The following TENM4 variants were observed in gnomAD, a reference collection of about 807,000 sequenced individuals.
TENM4 encodes the protein teneurin transmembrane protein 4.
TENM4 carries 82 observed loss-of-function variants against 243.3 expected under a neutral mutation model. That is an observed-to-expected ratio of 0.34 (90% CI 0.28 to 0.40). TENM4 has a LOEUF of 0.40. TENM4 is among the 10% of genes least tolerant of loss of function. TENM4 has a pLI of 1.00. For missense variants in TENM4, 3,138 were observed against 3,673.3 expected (o/e 0.85, Z 3.77); for synonymous variants, 1,412 against 1,456.3 (o/e 0.97, Z 0.69).
At chr11:78,845,160 G>C (rs992539289) in intron 12 of TENM4, among the ~76,000 whole-genome samples, 2 of 152,112 alleles carry the variant, frequency 1.3e-5, no homozygotes, top group African/African-American at 4.8e-5. Flanking sequence ...TTTATGAAAG[G>C]GTTGGTTCTC....
intron 19 of TENM4, among the ~76,000 whole-genome samples, chr11:78,743,053 A>G (rs1416911102): frequency 1.3e-5 from 2 of 152,238 alleles, no homozygotes; most frequent in Non-Finnish European, 2.9e-5. Flanking sequence ...TTAAGAATTT[A>G]TAACTGTTTT....
intron 9 of TENM4, among the ~76,000 whole-genome samples, chr11:78,875,406 G>A (rs1177690899): frequency 2.0e-5 from 3 of 152,094 alleles, no homozygotes; most frequent in African/African-American, 7.2e-5. Flanking sequence ...GTTCCAACAT[G>A]TTGGCCAGGC....
intron 3 of TENM4, among the ~76,000 whole-genome samples, chr11:79,167,291 CAGG>C (rs1279392967): frequency 1.1e-4 from 16 of 152,280 alleles, no homozygotes; most frequent in Admixed American, 7.8e-4. Context: ...GTCTTTGTGA[CAGG>C]AGTTCAACCT....
intron 4 of TENM4, among the ~76,000 whole-genome samples, chr11:79,144,527 C>A (rs1227907984): frequency 6.6e-6 from 1 of 152,020 alleles, no homozygotes; most frequent in Admixed American, 6.6e-5. Context: ...TGGAAGCAGT[C>A]TAAGTGTCCA....
rs370404076 is a variant in TENM4, at chr11:78,805,512, G to A, written c.1979-20C>T. 2.3e-4 allele frequency: 351 copies of A among 1,559,084 alleles called. No homozygotes were observed. The highest frequency in any genetic ancestry group is 3.3e-4 in the Middle Eastern group (2 of 6,024). On this transcript the variant is annotated intron_variant, in intron 14 of 33. Coordinates refer to ENST00000278550, the MANE Select transcript of TENM4 (RefSeq NM_001098816.3). ...AGTCCACTGTGAGATGGAGGAAGGA[G>A]AACATAGGTAAGCATCTGACCAGCA...
At chr11:79,371,170 A>G (rs530453986) in intron 1 of TENM4, among the ~76,000 whole-genome samples, 2 of 152,352 alleles carry the variant, frequency 1.3e-5, no homozygotes, top group South Asian at 2.1e-4. Flanking sequence ...CTATGCAGGG[A>G]TAGAGGATAC....
At chr11:78,790,555 T>A (rs1276009526) in intron 15 of TENM4, among the ~76,000 whole-genome samples, 1 of 152,248 alleles carries the variant, frequency 6.6e-6, no homozygotes, top group Non-Finnish European at 1.5e-5. Flanking sequence ...AATGCCTGGC[T>A]ATTATCCTTC....
intron 1 of TENM4, among the ~76,000 whole-genome samples, chr11:79,365,494 C>A (rs1289339584): frequency 2.0e-5 from 3 of 152,158 alleles, no homozygotes; most frequent in Non-Finnish European, 4.4e-5. Context: ...AGGCAAATAC[C>A]CACAAGAGGC....
chr11:79,276,425 G>C (rs1262061415), intron 2 of TENM4, among the ~76,000 whole-genome samples: 1 of 152,236 alleles, frequency 6.6e-6, no homozygotes, highest in Admixed American at 6.5e-5. Context: ...GTTCACAGAG[G>C]GGGACACTGG....
intron 2 of TENM4, among the ~76,000 whole-genome samples, chr11:79,265,624 T>G (rs1855871319): frequency 6.6e-6 from 1 of 152,206 alleles, no homozygotes; most frequent in African/African-American, 2.4e-5. Context: ...CTCTGAGCCA[T>G]TTTGCTTTCA....
chr11:79,374,220 GC>G (rs1312172488), intron 1 of TENM4, among the ~76,000 whole-genome samples: 5 of 151,908 alleles, frequency 3.3e-5, no homozygotes, highest in African/African-American at 1.2e-4. Flanking sequence ...CCTCCAAATC[GC>G]CTCCAACACA....
chr11:79,257,713 T>C (rs1484753168), intron 2 of TENM4, among the ~76,000 whole-genome samples: 1 of 152,192 alleles, frequency 6.6e-6, no homozygotes, highest in East Asian at 1.9e-4. Context: ...ATACACAGGC[T>C]ATCAGAGCAG....
intron 6 of TENM4, among the ~76,000 whole-genome samples, chr11:78,933,805 A>G (rs1243561379): frequency 6.6e-6 from 1 of 152,144 alleles, no homozygotes; most frequent in Non-Finnish European, 1.5e-5. Flanking sequence ...TCTGGAGAAG[A>G]AAGAACATAT....
chr11:78,704,024 C>CATAT (rs1555067557), intron 27 of TENM4, among the ~76,000 whole-genome samples: 1,445 of 128,920 alleles, frequency 0.011, 34 homozygotes, highest in African/African-American at 0.041. Context: ...CACACACACA[C>CATAT]ATATATATAT....
chr11:79,389,644 T>C (rs980227465), intron 1 of TENM4, among the ~76,000 whole-genome samples: 3 of 152,226 alleles, frequency 2.0e-5, no homozygotes, highest in African/African-American at 4.8e-5. Flanking sequence ...TTTTTACAGA[T>C]CAATATTTGC....
chr11:78,811,166 C>T lies in TENM4; in HGVS notation c.1978+956G>A, dbSNP rs1055618968. ...CATTTTATAGACAAGGGAACTGAGG[C>T]TAGTTAGTGGCAGGGCCAGGATGCA... On this transcript the variant is annotated intron_variant, in intron 14 of 33. Transcript: ENST00000278550. 2.6e-5 allele frequency among the ~76,000 whole-genome samples: 4 copies of T among 152,182 alleles called. No homozygotes were observed. The East Asian group carries it at 7.7e-4, about 29-fold the overall frequency.
At chr11:79,136,848 A>G (rs1424405066) in intron 4 of TENM4, among the ~76,000 whole-genome samples, 1 of 152,134 alleles carries the variant, frequency 6.6e-6, no homozygotes, top group African/African-American at 2.4e-5. Context: ...CATGCTCCCT[A>G]TCATCCTAAA....
intron 1 of TENM4, among the ~76,000 whole-genome samples, chr11:79,314,764 G>A (rs1369026852): frequency 1.3e-5 from 2 of 152,208 alleles, no homozygotes; most frequent in East Asian, 1.9e-4. Context: ...TACTCATGGA[G>A]CTCACAGGGT....
chr11:79,367,692 C>G (rs74702770), intron 1 of TENM4, among the ~76,000 whole-genome samples: 131 of 152,210 alleles, frequency 8.6e-4, no homozygotes, highest in African/African-American at 3.1e-3. Context: ...CTGAAACTAC[C>G]TAAAAATAGA....
Sources: gnomAD v4.1 joint callset for allele counts (sites outside exome capture counted in the v4.1 genomes callset) on GRCh38, gnomAD v4.1.1 for gene constraint, MANE v1.5 for transcripts, NCBI Gene and HGNC (gene_info 2026-07-23, HGNC 2026-07-21) for gene names.